Variants in TLK1 observed in about 807,000 individuals in gnomAD.
TLK1 encodes serine/threonine-protein kinase tousled-like 1.
In TLK1, 24 loss-of-function variants were observed where a neutral mutation model predicts 105.3. The ratio of observed to expected loss-of-function variants is 0.23; its 90% confidence interval spans 0.17 to 0.32. The LOEUF is 0.32. TLK1 is among the 10% of genes least tolerant of loss of function. The probability of loss-of-function intolerance (pLI) is 1.00; values close to 1 mark genes in which losing one functional copy is unlikely to be tolerated. For synonymous variants in TLK1, 321 were observed against 310.4 expected (o/e 1.03, Z -0.36); for missense variants, 558 against 910.5 (o/e 0.61, Z 4.98).
At chr2:171,002,469 T>C (rs1684425855) in intron 18 of TLK1, among the ~76,000 whole-genome samples, 1 of 151,682 alleles carries the variant, frequency 6.6e-6, no homozygotes, top group Admixed American at 6.6e-5. Flanking sequence ...AGAGACGGGG[T>C]TTCACCGTGT....
intron 1 of TLK1, among the ~76,000 whole-genome samples, chr2:171,182,869 C>T (rs889812092): frequency 3.9e-4 from 57 of 146,666 alleles, no homozygotes; most frequent in Admixed American, 2.2e-3. Context: ...ATGCAGAGAG[C>T]TATGATTATG....
chr2:170,996,840 C>G (rs1684087645), intron 19 of TLK1, 80 bp from the exon 20 acceptor site: 2 of 1,228,386 alleles, frequency 1.6e-6, no homozygotes, highest in African/African-American at 3.1e-5. Flanking sequence ...TAAGCGAATT[C>G]CCAAAACCGA....
chr2:171,082,748 T>C (rs1203772410), intron 3 of TLK1, 33 bp downstream of exon 3: 2 of 1,493,458 alleles, frequency 1.3e-6, no homozygotes, highest in South Asian at 1.2e-5. Flanking sequence ...GCTTTTACTT[T>C]AATAGCACCA....
rs547447805 is a variant in TLK1 at position 171,195,440 on chromosome 2, T to C, written c.-6+35705A>G. On this transcript the variant is annotated intron_variant, in intron 1 of 20. Transcript: ENST00000521943. Reference sequence around the variant, plus strand: ...ATGGCGTGAACCTGGGAGGCGGAGCTTGCAGTCAGCCCAGATGGCGCCACT... The same window carrying C: ...ATGGCGTGAACCTGGGAGGCGGAGCCTGCAGTCAGCCCAGATGGCGCCACT... Among the ~76,000 whole-genome samples, 5 of 149,000 alleles carry C rather than the reference T, an allele frequency of 3.4e-5. No homozygotes were observed. In the East Asian group the frequency reaches 8.0e-4, roughly 24 times the overall value.
chr2:171,159,369 T>G (rs1009763830), intron 1 of TLK1, among the ~76,000 whole-genome samples: 2 of 152,232 alleles, frequency 1.3e-5, no homozygotes, highest in African/African-American at 4.8e-5. Context: ...TTTCATTTTA[T>G]GTTGTATACT....
chr2:171,090,268 T>C (rs1334467030), intron 2 of TLK1, among the ~76,000 whole-genome samples: 4 of 152,194 alleles, frequency 2.6e-5, no homozygotes, highest in African/African-American at 9.6e-5. Context: ...AACTTCATTT[T>C]CTACTTTCTA....
intron 1 of TLK1, among the ~76,000 whole-genome samples, chr2:171,228,455 G>T (rs1050786331): frequency 1.3e-5 from 2 of 152,146 alleles, no homozygotes; most frequent in African/African-American, 2.4e-5. Flanking sequence ...GGAGGCTGAG[G>T]TGGGAGGACT....
intron 8 of TLK1, among the ~76,000 whole-genome samples, chr2:171,050,813 C>A (rs899088662): frequency 6.6e-6 from 1 of 152,162 alleles, no homozygotes; most frequent in African/African-American, 2.4e-5. Context: ...AAGAGAATAA[C>A]CTATAGGGCT....
At chr2:171,122,751 A>C (rs1690704176) in intron 1 of TLK1, among the ~76,000 whole-genome samples, 1 of 151,946 alleles carries the variant, frequency 6.6e-6, no homozygotes, top group African/African-American at 2.4e-5. Flanking sequence ...ATAATATTTT[A>C]TAATAGGCCA....
chr2:171,141,188 A>C (rs1691559358), intron 1 of TLK1, among the ~76,000 whole-genome samples: 1 of 152,216 alleles, frequency 6.6e-6, no homozygotes, highest in African/African-American at 2.4e-5. Flanking sequence ...CAGAAGCACT[A>C]TCCGAAGTGA....
At chr2:170,994,808 C>G in intron 20 of TLK1, 1 of 426,330 alleles carries the variant, frequency 2.3e-6, no homozygotes, top group Non-Finnish European at 4.7e-6. Flanking sequence ...TCTCCTTTGC[C>G]AGGCCTCTTT....
intron 3 of TLK1, 32 bp from the exon 4 acceptor site, chr2:171,061,188 GA>G (rs1687731931): frequency 6.2e-7 from 1 of 1,605,890 alleles, no homozygotes; most frequent in Admixed American, 1.7e-5. Context: ...ATTTTTAAAT[GA>G]CAGTTTTAAT....
intron 18 of TLK1, 27 bp from the exon 19 acceptor site, chr2:170,997,850 G>T: frequency 7.3e-7 from 1 of 1,365,876 alleles, no homozygotes; most frequent in Non-Finnish European, 1.0e-6. Context: ...AGAGAAAAAA[G>T]GTTACTACTG....
intron 1 of TLK1, among the ~76,000 whole-genome samples, chr2:171,166,949 A>T (rs762791978): frequency 4.6e-5 from 7 of 152,278 alleles, no homozygotes; most frequent in Non-Finnish European, 8.8e-5. Context: ...AGAAGAACAA[A>T]GTCAGTTTGA....
intron 1 of TLK1, among the ~76,000 whole-genome samples, chr2:171,118,284 G>A (rs572153103): frequency 7.9e-5 from 12 of 152,040 alleles, no homozygotes; most frequent in South Asian, 2.1e-4. Flanking sequence ...TGGACCATGG[G>A]TCCATAGTTT....
chr2:170,994,412 C>T (rs535678503), intron 20 of TLK1, among the ~76,000 whole-genome samples: 8 of 151,820 alleles, frequency 5.3e-5, no homozygotes, highest in Non-Finnish European at 1.0e-4. Context: ...TCATTAGGGA[C>T]ATTGTTTCCC....
chr2:171,185,335 C>A (rs1310913715), intron 1 of TLK1, among the ~76,000 whole-genome samples: 1 of 152,120 alleles, frequency 6.6e-6, no homozygotes, highest in East Asian at 1.9e-4. Context: ...TGTAAAAATG[C>A]AAGTATCATC....
chr2:171,230,172 C>T (rs947358869), intron 1 of TLK1, among the ~76,000 whole-genome samples: 3 of 152,174 alleles, frequency 2.0e-5, no homozygotes, highest in Non-Finnish European at 4.4e-5. Context: ...TTGCTTTGCA[C>T]AAATAACAAA....
chr2:171,105,071 A>C (rs1311246665), intron 2 of TLK1, among the ~76,000 whole-genome samples: 1 of 152,220 alleles, frequency 6.6e-6, no homozygotes, highest in African/African-American at 2.4e-5. Flanking sequence ...CCTTAGAGGA[A>C]ACACTTCAGG....
Sources: gnomAD v4.1 joint callset for allele counts (sites outside exome capture counted in the v4.1 genomes callset) on GRCh38, gnomAD v4.1.1 for gene constraint, MANE v1.5 for transcripts, NCBI Gene and HGNC (gene_info 2026-07-23, HGNC 2026-07-21) for gene names.